Variants in DENND1B observed in about 807,000 individuals in gnomAD.
DENND1B encodes the protein DENN domain containing 1B.
A neutral mutation model predicts 90.1 loss-of-function variants in DENND1B; 59 were observed. The observed-to-expected ratio is 0.65, with a 90% CI of 0.53 to 0.81. The LOEUF (loss-of-function observed/expected upper bound fraction) is 0.81, where lower values mean the gene tolerates loss of function less well. DENND1B is among the 40% of genes least tolerant of loss of function. The pLI is 0.00. For synonymous variants in DENND1B, 337 were observed against 324.6 expected, an observed-to-expected ratio of 1.04 and a Z score of -0.41; for missense variants, 862 against 912.6, an observed-to-expected ratio of 0.94 and a Z score of 0.71.
chr1:197,724,023 C>T (rs1558446233), intron 2 of DENND1B, among the ~76,000 whole-genome samples: 1 of 152,022 alleles, frequency 6.6e-6, no homozygotes, highest in African/African-American at 2.4e-5. Flanking sequence ...TCATATTACA[C>T]CAAAAAGTAA....
At chr1:197,596,003 T>C (rs148874753) in intron 13 of DENND1B, among the ~76,000 whole-genome samples, 55 of 152,178 alleles carry the variant, frequency 3.6e-4, no homozygotes, top group African/African-American at 1.3e-3. Flanking sequence ...TTGCCCTTAC[T>C]ATGTAGCCAA....
rs779264634 is a variant in DENND1B at position 197,528,859 on chromosome 1, A to AG, written c.1515+11104_1515+11105insC. Among the ~76,000 whole-genome samples the AG allele has an allele frequency of 3.0e-3, 88 of 29,630 alleles. 1 individual carries two copies. Among genetic ancestry groups the AG allele is most frequent in the Non-Finnish European group, 0.017 (70 of 4,152 alleles). 19.4% of individuals were successfully genotyped at this position (29,630 alleles called of 152,430 possible). A position where few individuals can be genotyped will look rare whatever the true frequency, so the allele number is the denominator to read the frequency against. ...TGGGTGACAGAGCGAGACTCATCTC[A>AG]AAAAAAAAAAAAAATTCTTATTTGT... is the stretch of plus-strand genomic sequence containing the variant. On this transcript the variant is annotated intron_variant, in intron 20 of 22. Transcript: ENST00000620048.
At chr1:197,600,165 C>A (rs1235908789) in intron 13 of DENND1B, among the ~76,000 whole-genome samples, 5 of 151,822 alleles carry the variant, frequency 3.3e-5, no homozygotes, top group Non-Finnish European at 7.4e-5. Context: ...AAAGGCTGAT[C>A]TGAGAGTGCG....
intron 18 of DENND1B, among the ~76,000 whole-genome samples, chr1:197,542,788 G>T (rs1373403717): frequency 6.6e-6 from 1 of 152,082 alleles, no homozygotes; most frequent in Non-Finnish European, 1.5e-5. Context: ...TGACTTACCT[G>T]CCCCAAACCT....
At position 197,750,570 on chromosome 1, in the gene DENND1B, CTAGATAGATAGA is replaced by C. The variant is rs57505824; in HGVS notation, c.82+22286_82+22297del. Among the ~76,000 whole-genome samples the C allele has an allele frequency of 1.6e-3, 233 of 149,234 alleles. 1 individual carries two copies. Among genetic ancestry groups the C allele is most frequent in the Admixed American group, 4.6e-3 (69 of 14,962 alleles). On this transcript the variant is annotated intron_variant, in intron 2 of 22. Transcript: ENST00000620048. ...TGTTAGACTGGATAGAAAAGCAAAC[CTAGATAGATAGA>C]TAGATAGATAGATAGATAGATAGAT...
At chr1:197,585,303 A>G (rs1230945947) in intron 14 of DENND1B, among the ~76,000 whole-genome samples, 2 of 152,258 alleles carry the variant, frequency 1.3e-5, no homozygotes, top group South Asian at 2.1e-4. Context: ...TTTTAAAAAT[A>G]AATATAAGTA....
At position 197,529,357 on chromosome 1, in the gene DENND1B, C is replaced by T. The variant is rs571109589; in HGVS notation, c.1515+10607G>A. Among the ~76,000 whole-genome samples, 18 of 149,714 alleles carry T rather than the reference C, an allele frequency of 1.2e-4. No homozygotes were observed. The South Asian group carries it at 2.5e-3, about 21-fold the overall frequency. On this transcript the variant is annotated intron_variant, in intron 20 of 22. Transcript: ENST00000620048. ...ATGTGTGTGTGTGTGTGTGCACGCG[C>T]GCACATGTGTATGTGTGGGTGGGTG... is the stretch of plus-strand genomic sequence containing the variant.
chr1:197,640,059 A>G (rs1680137491), intron 10 of DENND1B, among the ~76,000 whole-genome samples: 2 of 152,216 alleles, frequency 1.3e-5, no homozygotes, highest in Admixed American at 1.3e-4. Flanking sequence ...TCAAACATAG[A>G]AAACAACTCC....
At chr1:197,751,776 G>A (rs946083106) in intron 2 of DENND1B, among the ~76,000 whole-genome samples, 12 of 151,718 alleles carry the variant, frequency 7.9e-5, no homozygotes, top group South Asian at 2.1e-4. Context: ...CCCAGGAGGC[G>A]GAGGTTGCAG....
intron 15 of DENND1B, among the ~76,000 whole-genome samples, chr1:197,564,666 A>G (rs1672475090): frequency 6.6e-6 from 1 of 151,978 alleles, no homozygotes; most frequent in African/African-American, 2.4e-5. Flanking sequence ...TGAGTAAAGA[A>G]TACTTAAAAA....
intron 15 of DENND1B, among the ~76,000 whole-genome samples, chr1:197,557,753 C>T (rs77315805): frequency 0.011 from 1,688 of 151,880 alleles, 35 homozygotes; most frequent in African/African-American, 0.038. Flanking sequence ...TTTCAAACAC[C>T]TTTTTCTATT....
At chr1:197,761,844 C>T (rs1271383107) in intron 2 of DENND1B, 1 of 151,062 alleles carries the variant, frequency 6.6e-6, no homozygotes, top group African/African-American at 2.4e-5. Flanking sequence ...GGAAAAGGCT[C>T]TATCTTGATC....
intron 3 of DENND1B, among the ~76,000 whole-genome samples, chr1:197,708,387 G>A (rs1363013437): frequency 8.7e-4 from 1 of 1,144 alleles, no homozygotes; most frequent in African/African-American, 4.0e-3. Context: ...ATCTGAGAAC[G>A]GGCAGACTGC....
chr1:197,698,157 A>G (rs2102136116), intron 3 of DENND1B, among the ~76,000 whole-genome samples: 1 of 152,304 alleles, frequency 6.6e-6, no homozygotes, highest in East Asian at 1.9e-4. Context: ...AAAATTGACC[A>G]CATAATTGGA....
At chr1:197,768,318 A>G (rs1342915021) in intron 2 of DENND1B, among the ~76,000 whole-genome samples, 1 of 152,116 alleles carries the variant, frequency 6.6e-6, no homozygotes, top group Non-Finnish European at 1.5e-5. Flanking sequence ...AACTATCAAC[A>G]AAATTAAAAA....
At chr1:197,544,522 TTATTATTCTTAC>T (rs1670571486) in intron 18 of DENND1B, among the ~76,000 whole-genome samples, 1 of 152,164 alleles carries the variant, frequency 6.6e-6, no homozygotes, top group Non-Finnish European at 1.5e-5. Context: ...ATTATTTACT[TTATTATTCTTAC>T]TATTATTCCC....
chr1:197,623,246 C>T (rs143495358), intron 10 of DENND1B, among the ~76,000 whole-genome samples: 76 of 151,366 alleles, frequency 5.0e-4, no homozygotes, highest in African/African-American at 1.8e-3. Flanking sequence ...TGAATCAATA[C>T]TTAATTTAGA....
chr1:197,615,401 A>G lies in DENND1B; in HGVS notation c.773+2258T>C, dbSNP rs1677556169. 3.3e-5 allele frequency among the ~76,000 whole-genome samples: 5 copies of G among 151,068 alleles called. No homozygotes were observed. The South Asian group carries it at 1.0e-3, about 31-fold the overall frequency. ...CAGTCCAACCCACACCAGAGCTACC[A>G]GTTGCAAAAACAGAAATACTTTATG... On this transcript the variant is annotated intron_variant, in intron 11 of 22. Coordinates refer to ENST00000620048, the MANE Select transcript of DENND1B (RefSeq NM_001195215.2).
intron 6 of DENND1B, among the ~76,000 whole-genome samples, chr1:197,655,662 G>A (rs927529950): frequency 7.9e-5 from 12 of 151,982 alleles, no homozygotes; most frequent in Non-Finnish European, 1.6e-4. Flanking sequence ...CTCCTGAGTA[G>A]CTGGGACTAC....
Sources: gnomAD v4.1 joint callset for allele counts (sites outside exome capture counted in the v4.1 genomes callset) on GRCh38, gnomAD v4.1.1 for gene constraint, MANE v1.5 for transcripts, NCBI Gene and HGNC (gene_info 2026-07-23, HGNC 2026-07-21) for gene names.